The following CCDC60 variants were observed in gnomAD, a reference collection of about 807,000 sequenced individuals.
The protein encoded by CCDC60 is coiled-coil domain containing 60.
In CCDC60, 54 loss-of-function variants were observed where a neutral mutation model predicts 63.5. The ratio of observed to expected loss-of-function variants is 0.85; its 90% CI spans 0.68 to 1.07. The LOEUF is 1.07. Among genes scored for constraint, CCDC60 ranks in the 50% least tolerant of loss-of-function variants. CCDC60 has a pLI of 0.00. For missense variants in CCDC60, 651 were observed against 684.3 expected (o/e 0.95, Z 0.54); for synonymous variants, 206 against 238.8 (o/e 0.86, Z 1.27).
chr12:119,406,794 A>G (rs1247962326), intron 1 of CCDC60, among the ~76,000 whole-genome samples: 1 of 151,814 alleles, frequency 6.6e-6, no homozygotes, highest in East Asian at 1.9e-4. Flanking sequence ...ACATACCCCC[A>G]CTGATCCTCA....
At chr12:119,501,939 T>C (rs2136419421) in intron 6 of CCDC60, among the ~76,000 whole-genome samples, 1 of 152,214 alleles carries the variant, frequency 6.6e-6, no homozygotes, top group South Asian at 2.1e-4. Flanking sequence ...ACAAATCCTT[T>C]CCCCTGTTCT....
chr12:119,499,983 C>T, intron 5 of CCDC60, 95 bp from the exon 6 acceptor site: 1 of 876,460 alleles, frequency 1.1e-6, no homozygotes, highest in Non-Finnish European at 1.9e-6. Flanking sequence ...AGAGCCCAGC[C>T]ACCATTCCTC....
Position 119,335,055 on chromosome 12 carries a change from AT to A in CCDC60, c.-120del. ...AGGAAACCGCTTTGGAGTTCGTGTA[AT>A]TGGGACTTGGGGATCAGGGAGAAGT... On this transcript the variant is annotated 5_prime_UTR_variant, in exon 1 of 14. It adds an upstream start codon to the 5' untranslated region. Coordinates refer to ENST00000327554, the MANE Select transcript of CCDC60 (RefSeq NM_178499.5). 1.4e-6 allele frequency: 1 copy of A among 727,180 alleles called. No individual in the cohort carries two copies. 45.0% of individuals were successfully genotyped at this position (727,180 alleles called of 1,614,324 possible).
At chr12:119,363,423 C>CTGTGTGTG (rs5801335) in intron 1 of CCDC60, among the ~76,000 whole-genome samples, 4 of 150,554 alleles carry the variant, frequency 2.7e-5, no homozygotes, top group East Asian at 2.0e-4. Context: ...TATGAGTCCT[C>CTGTGTGTG]TGTGTGTGTG....
intron 2 of CCDC60, among the ~76,000 whole-genome samples, chr12:119,463,428 T>C (rs1421561311): frequency 6.6e-6 from 1 of 152,212 alleles, no homozygotes; most frequent in Admixed American, 6.5e-5. Flanking sequence ...ACCACTTGGG[T>C]TCAGACCTCA....
At chr12:119,409,389 C>A (rs1024918895) in intron 1 of CCDC60, among the ~76,000 whole-genome samples, 1 of 152,086 alleles carries the variant, frequency 6.6e-6, no homozygotes, top group African/African-American at 2.4e-5. Context: ...GCACCACCCC[C>A]CAACCCCCAG....
chr12:119,360,868 CTCTG>C (rs1427074431), intron 1 of CCDC60, among the ~76,000 whole-genome samples: 2 of 152,200 alleles, frequency 1.3e-5, no homozygotes, highest in Non-Finnish European at 2.9e-5. Context: ...GTGAACCAGA[CTCTG>C]TCTGCAATCC....
At chr12:119,450,412 A>C (rs1352502223) in intron 2 of CCDC60, among the ~76,000 whole-genome samples, 3 of 152,156 alleles carry the variant, frequency 2.0e-5, no homozygotes, top group African/African-American at 2.4e-5. Flanking sequence ...AATCCATTAA[A>C]ATTTTTTAAA....
At chr12:119,519,076 A>AGGAAAAGCT (rs1424198774) in intron 8 of CCDC60, among the ~76,000 whole-genome samples, 1 of 152,226 alleles carries the variant, frequency 6.6e-6, no homozygotes, top group Non-Finnish European at 1.5e-5. Flanking sequence ...AGAGACGGTT[A>AGGAAAAGCT]GGAAAAGCTG....
chr12:119,420,089 G>T lies in CCDC60; in HGVS notation c.91-8594G>T, dbSNP rs552145507. Among the ~76,000 whole-genome samples the T allele has an allele frequency of 6.6e-6, 1 of 151,988 alleles. No homozygotes were observed. Among genetic ancestry groups the T allele is most frequent in the Non-Finnish European group, 1.5e-5 (1 of 67,988 alleles). On this transcript the variant is annotated intron_variant, in intron 1 of 13. Coordinates refer to ENST00000327554, the MANE Select transcript of CCDC60 (RefSeq NM_178499.5). This position sits in a 1 kb window ranked among gnomAD's most constrained non-coding sequence, Gnocchi z 4.1. ...GATAGGGTTTCACCGTGTTAGCCGG[G>T]ATGGTCTCGAACTCCTGACCTCGTG...
chr12:119,360,942 C>T (rs1043535382), intron 1 of CCDC60, among the ~76,000 whole-genome samples: 12 of 152,132 alleles, frequency 7.9e-5, no homozygotes, highest in African/African-American at 2.4e-4. Flanking sequence ...GAGACCAGCC[C>T]GGCCAACACA....
chr12:119,448,458 T>C (rs1052430704), intron 2 of CCDC60, among the ~76,000 whole-genome samples: 7 of 152,158 alleles, frequency 4.6e-5, no homozygotes, highest in Non-Finnish European at 1.0e-4. Context: ...AGGGCTCTTG[T>C]AGGAATTACA....
intron 4 of CCDC60, among the ~76,000 whole-genome samples, chr12:119,484,623 G>A (rs1046935773): frequency 1.1e-4 from 16 of 152,048 alleles, no homozygotes; most frequent in African/African-American, 3.9e-4. Context: ...TGAAGTAGGA[G>A]GATCGCTTGT....
intron 5 of CCDC60, 106 bp downstream of exon 5, chr12:119,488,972 C>A: frequency 1.1e-6 from 1 of 889,044 alleles, no homozygotes; most frequent in Non-Finnish European, 1.9e-6. Flanking sequence ...GGTAGGTGGG[C>A]TGTTTCAGTT....
intron 1 of CCDC60, among the ~76,000 whole-genome samples, chr12:119,389,326 G>A (rs1450720905): frequency 6.6e-6 from 1 of 152,172 alleles, no homozygotes; most frequent in Non-Finnish European, 1.5e-5. Context: ...CTGGAACACA[G>A]CCACGCCCAT....
intron 2 of CCDC60, among the ~76,000 whole-genome samples, chr12:119,440,394 G>A (rs1030992715): frequency 3.9e-5 from 6 of 152,076 alleles, no homozygotes; most frequent in African/African-American, 1.4e-4. Context: ...GCGGGGCATG[G>A]TGGCGGGCAC....
intron 1 of CCDC60, among the ~76,000 whole-genome samples, chr12:119,355,110 A>G (rs1220990788): frequency 1.3e-5 from 2 of 152,188 alleles, no homozygotes; most frequent in Non-Finnish European, 2.9e-5. Context: ...TATCCACAAA[A>G]TGGAGATAAA....
intron 8 of CCDC60, among the ~76,000 whole-genome samples, chr12:119,518,914 T>C (rs1952422935): frequency 6.6e-6 from 1 of 152,188 alleles, no homozygotes; most frequent in South Asian, 2.1e-4. Context: ...GACCATCACA[T>C]GGCCTCTGCT....
At chr12:119,445,200 G>A (rs866399779) in intron 2 of CCDC60, among the ~76,000 whole-genome samples, 1 of 151,924 alleles carries the variant, frequency 6.6e-6, no homozygotes, top group Non-Finnish European at 1.5e-5. Flanking sequence ...TTGGGAGGCC[G>A]AGGTGGGTGG....
Sources: gnomAD v4.1 joint callset for allele counts (sites outside exome capture counted in the v4.1 genomes callset) on GRCh38, gnomAD v4.1.1 for gene constraint, Gnocchi (gnomAD v3.1) non-coding constraint, MANE v1.5 for transcripts, NCBI Gene and HGNC (gene_info 2026-07-23, HGNC 2026-07-21) for gene names.